The following CLPSL1 variants were observed in gnomAD, a reference collection of about 807,000 sequenced individuals.
CLPSL1 encodes colipase like 1.
CLPSL1 carries 13 observed loss-of-function variants against 9.3 expected under a neutral mutation model. The observed-to-expected ratio is 1.40, with a 90% CI of 0.91 to 2.22. The LOEUF is 2.22. Among genes scored for constraint, CLPSL1 ranks in the 30% most tolerant of loss-of-function variants. The pLI is 0.00. For synonymous variants in CLPSL1, 58 were observed against 56.9 expected (o/e 1.02, Z -0.08); for missense variants, 164 against 146.6 (o/e 1.12, Z -0.61).
At chr6:35,792,606 T>C (rs1192599626), downstream of CLPSL1, among the ~76,000 whole-genome samples, 5 of 152,288 alleles carry the variant, frequency 3.3e-5, no homozygotes, top group Admixed American at 6.5e-5. Context: ...ACAGGAGCAC[T>C]GGCCGTTGGA....
intron 1 of CLPSL1, among the ~76,000 whole-genome samples, chr6:35,793,234 G>A (rs1242822866): frequency 2.0e-5 from 3 of 152,240 alleles, no homozygotes; most frequent in East Asian, 3.9e-4. Flanking sequence ...GATCAGCCTG[G>A]CCAACATGGT....
intron 1 of CLPSL1, among the ~76,000 whole-genome samples, chr6:35,784,174 T>A (rs568833851): frequency 1.3e-5 from 2 of 152,020 alleles, no homozygotes; most frequent in African/African-American, 4.8e-5. Flanking sequence ...CAACTTGAAG[T>A]GGGGGGCATG....
intron 1 of CLPSL1, among the ~76,000 whole-genome samples, chr6:35,784,437 G>A (rs368637042): frequency 2.6e-5 from 4 of 152,252 alleles, no homozygotes; most frequent in African/African-American, 4.8e-5. Flanking sequence ...CCCACTTCCC[G>A]TCATGGCCTG....
In CLPSL1 at chr6:35,781,228, G is replaced by A. The variant is rs1767961157; in HGVS notation, c.99+19G>A. ...CCTTTTGGTAAGAAAGCTGGAGAGT[G>A]CAGTCACCTCCCCCTCCACTGTCCT... On this transcript the variant is annotated intron_variant, in intron 1 of 2. Transcript: ENST00000373861. 2.5e-6 allele frequency: 4 copies of A among 1,611,614 alleles called. No individual in the cohort carries two copies. The highest frequency in any genetic ancestry group is 1.3e-5 in the African/African-American group (1 of 74,882).
At chr6:35,793,897 C>T (rs146963647), downstream of CLPSL1, among the ~76,000 whole-genome samples, 9 of 152,378 alleles carry the variant, frequency 5.9e-5, no homozygotes, top group Admixed American at 4.6e-4. Flanking sequence ...TGATGGGCAC[C>T]TCAGTACTGC....
downstream of CLPSL1, among the ~76,000 whole-genome samples, chr6:35,790,918 C>T (rs1400313646): frequency 1.3e-5 from 2 of 151,726 alleles, no homozygotes; most frequent in Non-Finnish European, 2.9e-5. Flanking sequence ...GTGGCACGCA[C>T]GTGTAGTCCT....
rs1391959552 is a variant in CLPSL1 at position 35,787,887 on chromosome 6, A to AGC, written c.245_246dup (p.Cys83ArgfsTer8). ...CCCAGGTGTTCTTTGGCCAATATAG[A>AGC]GCGTGTCCCTGCCTGCGGAACCTGA... On this transcript the variant is annotated frameshift_variant, in exon 3 of 3. Coordinates refer to ENST00000373861, the MANE Select transcript of CLPSL1 (RefSeq NM_001010886.5). LOFTEE classifies it low-confidence loss of function (END_TRUNC). 6.2e-7 allele frequency: 1 copy of AGC among 1,608,082 alleles called. No homozygotes were observed. Among genetic ancestry groups the AGC allele is most frequent in the Non-Finnish European group, 8.5e-7 (1 of 1,174,870 alleles).
At chr6:35,788,614 A>G (rs9462113), downstream of CLPSL1, among the ~76,000 whole-genome samples, 2,805 of 152,036 alleles carry the variant, frequency 0.018, 50 homozygotes, top group African/African-American at 0.064. Flanking sequence ...GGGTTGAGCA[A>G]CTTGTTCAAG....
At chr6:35,787,799 T>A in intron 2 of CLPSL1, 68 bp from the exon 3 acceptor site, 2 of 1,492,110 alleles carry the variant, frequency 1.3e-6, no homozygotes, top group Non-Finnish European at 1.8e-6. Context: ...GGAGCTGGGC[T>A]GGGCTGGGCT....
In CLPSL1 at chr6:35,787,101, G is replaced by A. The variant is rs765379342; in HGVS notation, c.203G>A (p.Gly68Asp). The change falls in exon 2 of 3, where the codon GGC (glycine) becomes GAC (aspartate). Residue 68 changes from glycine (G) to aspartate (D), a missense_variant. By Grantham distance (94) the Gly-to-Asp change is moderately conservative (BLOSUM62 -1). Coordinates refer to ENST00000373861, the MANE Select transcript of CLPSL1 (RefSeq NM_001010886.5). Reference protein sequence around the residue: ...ESHCAEKGSEGSLCQTQVFFG... With the variant: ...ESHCAEKGSEDSLCQTQVFFG... ...CACTGCGCGGAGAAGGGGTCCGAGG[G>A]CAGTCTGTGTCAAACGCAGGTGGGT... The A allele has an allele frequency of 6.2e-7, 1 of 1,611,678 alleles. No individual in the cohort carries two copies. The highest frequency in any genetic ancestry group is 8.5e-7 in the Non-Finnish European group (1 of 1,179,520).
At chr6:35,790,582 G>C (rs1191483855), downstream of CLPSL1, among the ~76,000 whole-genome samples, 1 of 152,272 alleles carries the variant, frequency 6.6e-6, no homozygotes, top group East Asian at 1.9e-4. Context: ...CTCAATAGAA[G>C]AAGGGGAGGA....
In CLPSL1 at chr6:35,786,994, G is replaced by T; in HGVS notation, c.100-4G>T. The stretch of plus-strand genomic sequence containing the variant: ...GCCTGGCGGTGCCGTGTCCCTCCCT[G>T]CAGGAGCTCAAGGAGTCTTGCATCC... On this transcript the variant is annotated splice_region_variant and splice_polypyrimidine_tract_variant and intron_variant, in intron 1 of 2. Coordinates refer to ENST00000373861, the MANE Select transcript of CLPSL1 (RefSeq NM_001010886.5). 6.4e-7 allele frequency: 1 copy of T among 1,573,390 alleles called. No individual in the cohort carries two copies. The highest frequency in any genetic ancestry group is 8.6e-7 in the Non-Finnish European group (1 of 1,161,002).
chr6:35,788,892 A>C (rs1026680302), downstream of CLPSL1, among the ~76,000 whole-genome samples: 3 of 152,226 alleles, frequency 2.0e-5, no homozygotes, highest in African/African-American at 7.2e-5. Flanking sequence ...TTTGGAGTTA[A>C]TTATTTCAGA....
chr6:35,791,982 A>G (rs1768226001), downstream of CLPSL1, among the ~76,000 whole-genome samples: 1 of 151,628 alleles, frequency 6.6e-6, no homozygotes, highest in Non-Finnish European at 1.5e-5. Flanking sequence ...GCTACTCGGG[A>G]GGCTGATTCA....
chr6:35,788,069 T>C lies in CLPSL1; in HGVS notation c.*59T>C. ...ACCTGCTCTCCTCCCTACCCAGAGCTCTGTGTTCACCCTGTTCCCCAGAGC... is the reference window on the plus strand; with the variant it reads ...ACCTGCTCTCCTCCCTACCCAGAGCCCTGTGTTCACCCTGTTCCCCAGAGC... On this transcript the variant is annotated 3_prime_UTR_variant, in exon 3 of 3. Transcript: ENST00000373861. 1.5e-6 allele frequency: 2 copies of C among 1,359,922 alleles called. No individual in the cohort carries two copies. Among genetic ancestry groups the C allele is most frequent in the Non-Finnish European group, 2.1e-6 (2 of 953,080 alleles). 84.2% of individuals were successfully genotyped at this position (1,359,922 alleles called of 1,614,324 possible). A position where few individuals can be genotyped will look rare whatever the true frequency, so the allele number is the denominator to read the frequency against.
At chr6:35,782,728 A>T (rs1767988553) in intron 1 of CLPSL1, among the ~76,000 whole-genome samples, 1 of 152,068 alleles carries the variant, frequency 6.6e-6, no homozygotes, top group Non-Finnish European at 1.5e-5. Context: ...ATTATCTTTT[A>T]AAAAAGACTC....
At chr6:35,786,840 C>T (rs1165284706) in intron 1 of CLPSL1, among the ~76,000 whole-genome samples, 158 bp from the exon 2 acceptor site, 1 of 152,272 alleles carries the variant, frequency 6.6e-6, no homozygotes, top group Admixed American at 6.5e-5. Flanking sequence ...ACAGACTTAC[C>T]CCGGCCCCCA....
At chr6:35,785,965 A>AG (rs1768064138) in intron 1 of CLPSL1, among the ~76,000 whole-genome samples, 3 of 144,870 alleles carry the variant, frequency 2.1e-5, no homozygotes, top group African/African-American at 7.6e-5. Flanking sequence ...AAAAAAAAAA[A>AG]GGAAAGGAAA....
rs1320463109 is a variant in CLPSL1, at chr6:35,788,022, T to C, written c.*12T>C. On this transcript the variant is annotated 3_prime_UTR_variant, in exon 3 of 3. Coordinates refer to ENST00000373861, the MANE Select transcript of CLPSL1 (RefSeq NM_001010886.5). The stretch of plus-strand genomic sequence containing the variant: ...AAATGTTCTTCTAGTGCTCCCTCCT[T>C]CTTGCTGCCTCCTCCTCCTCCACCT... 1 of 1,589,000 alleles carries C rather than the reference T, an allele frequency of 6.3e-7. No homozygotes were observed. The highest frequency in any genetic ancestry group is 1.5e-5 in the African/African-American group (1 of 65,312).
Sources: gnomAD v4.1 joint callset for allele counts (sites outside exome capture counted in the v4.1 genomes callset) on GRCh38, gnomAD v4.1.1 for gene constraint, MANE v1.5 for transcripts, NCBI Gene and HGNC (gene_info 2026-07-23, HGNC 2026-07-21) for gene names.